ST8SIA5: variants seen among roughly 807,000 people sequenced by gnomAD.
ST8SIA5 encodes the protein alpha-2,8-sialyltransferase 8E.
A neutral mutation model predicts 40.2 loss-of-function variants in ST8SIA5; 24 were observed. The ratio of observed to expected loss-of-function variants is 0.60; its 90% CI spans 0.43 to 0.84. The LOEUF (loss-of-function observed/expected upper bound fraction) is 0.84. ST8SIA5 is among the 40% of genes least tolerant of loss of function. ST8SIA5 has a pLI of 0.00. For synonymous variants in ST8SIA5, 198 were observed against 201.8 expected, an observed-to-expected ratio of 0.98 and a Z score of 0.16; for missense variants, 465 against 498.5, an observed-to-expected ratio of 0.93 and a Z score of 0.64.
intron 1 of ST8SIA5, among the ~76,000 whole-genome samples, chr18:46,725,489 G>A (rs2039907941): frequency 6.6e-6 from 1 of 152,016 alleles, no homozygotes. Context: ...AGGGACTACT[G>A]AGCAGAAAAT....
intron 4 of ST8SIA5, among the ~76,000 whole-genome samples, chr18:46,686,951 A>C (rs2039454652): frequency 1.3e-5 from 2 of 152,196 alleles, no homozygotes; most frequent in Admixed American, 6.5e-5. Flanking sequence ...TCTGGGCTCC[A>C]TCCCAGCACC....
At chr18:46,730,253 A>G (rs1416599156) in intron 1 of ST8SIA5, 1 of 985,252 alleles carries the variant, frequency 1.0e-6, no homozygotes, top group Non-Finnish European at 1.2e-6. Context: ...GGGGGCTCGC[A>G]TTCCACCATT....
At chr18:46,725,971 AAATATATATAT>A (rs1487977499) in intron 1 of ST8SIA5, among the ~76,000 whole-genome samples, 1 of 42,722 alleles carries the variant, frequency 2.3e-5, no homozygotes, top group East Asian at 2.3e-3. Context: ...AAAAAAAAAA[AAATATATATAT>A]ATATATATAT....
In ST8SIA5 at chr18:46,680,359, G is replaced by T; in HGVS notation, c.814C>A (p.Gln272Lys). The change falls in exon 7 of 7, where the codon CAA (glutamine) becomes AAA (lysine). Residue 272 changes from glutamine to lysine, a missense_variant. Physicochemically the swap from Gln to Lys is moderately conservative, Grantham distance 53 (BLOSUM62 1). Coordinates refer to ENST00000315087, the MANE Select transcript of ST8SIA5 (RefSeq NM_013305.6). Reference sequence around the variant, plus strand: ...TGCGGATGGAAGTAGTAGACAGCTTGCGGCGATTCGAAGTCGTCCAGCACG... The same window carrying T: ...TGCGGATGGAAGTAGTAGACAGCTTTCGGCGATTCGAAGTCGTCCAGCACG... ...KYVLDDFESP[Q>K]AVYYFHPQYL... 6.2e-7 allele frequency: 1 copy of T among 1,614,194 alleles called. No individual in the cohort carries two copies. The highest frequency in any genetic ancestry group is 1.3e-5 in the African/African-American group (1 of 75,068).
At chr18:46,727,261 G>A (rs553313964) in intron 1 of ST8SIA5, among the ~76,000 whole-genome samples, 130 of 152,278 alleles carry the variant, frequency 8.5e-4, no homozygotes, top group African/African-American at 3.1e-3. Context: ...ATAAAATCTG[G>A]GATATGTTTA....
rs766295670 is a variant in ST8SIA5, at chr18:46,688,866, T to C, written c.365A>G (p.Lys122Arg). ...NAPAFLFTTQ[K>R]NTPLGTKLKY... ...GAGCTTTGTCCCCAGGGGAGTGTTC[T>C]TCTGGGTGGTGAAGAGAAAGGCAGG... is the stretch of plus-strand genomic sequence containing the variant. Residue 122 changes from lysine to arginine, a missense_variant, in exon 4 of 7, where the codon AAG becomes AGG. Coordinates refer to ENST00000315087, the MANE Select transcript of ST8SIA5 (RefSeq NM_013305.6). The C allele has an allele frequency of 1.2e-6, 2 of 1,614,010 alleles. No individual in the cohort carries two copies. Among genetic ancestry groups the C allele is most frequent in the African/African-American group, 2.7e-5 (2 of 74,926 alleles).
chr18:46,731,078 C>T (rs1016002701), intron 1 of ST8SIA5, among the ~76,000 whole-genome samples: 6 of 152,174 alleles, frequency 3.9e-5, no homozygotes, highest in Admixed American at 6.5e-5. Flanking sequence ...CTGTCAACTA[C>T]GTGAGCGCTA....
Position 46,736,775 on chromosome 18 carries a change from C to A in ST8SIA5, c.131+19603G>T, listed in dbSNP as rs535154385. 2.3e-4 allele frequency among the ~76,000 whole-genome samples: 35 copies of A among 152,068 alleles called. No homozygotes were observed. In the East Asian group the frequency reaches 4.6e-3, roughly 20 times the overall value. ...AGATGGAATACCAGGCTGGAGTGAG[C>A]GTGGATGCATTTTATTCTCCCAGGA... is the stretch of plus-strand genomic sequence containing the variant. On this transcript the variant is annotated intron_variant, in intron 1 of 6. Transcript: ENST00000315087.
At chr18:46,696,660 T>G (rs369045873) in intron 2 of ST8SIA5, among the ~76,000 whole-genome samples, 8 of 152,312 alleles carry the variant, frequency 5.3e-5, no homozygotes, top group African/African-American at 1.2e-4. Context: ...GTCAGAGAGC[T>G]CAAATGGAAT....
At position 46,750,765 on chromosome 18, in the gene ST8SIA5, C is replaced by T. The variant is rs1375357184; in HGVS notation, c.131+5613G>A. On this transcript the variant is annotated intron_variant, in intron 1 of 6. Transcript: ENST00000315087. ...GCTTCCAGAGCCAGCTCTCCTCTCT[C>T]GACCCCTTATAGGTGCAGACATCCT... Among the ~76,000 whole-genome samples the T allele has an allele frequency of 3.3e-5, 5 of 152,140 alleles. No homozygotes were observed. The East Asian group carries it at 5.8e-4, about 18-fold the overall frequency.
At chr18:46,698,148 C>T (rs2039574933) in intron 2 of ST8SIA5, among the ~76,000 whole-genome samples, 1 of 147,220 alleles carries the variant, frequency 6.8e-6, no homozygotes, top group Admixed American at 6.8e-5. Context: ...CAAACCAACC[C>T]AACAATCCAC....
chr18:46,739,277 C>T (rs2040065551), intron 1 of ST8SIA5, among the ~76,000 whole-genome samples: 1 of 152,210 alleles, frequency 6.6e-6, no homozygotes, highest in Non-Finnish European at 1.5e-5. Context: ...TGTGGTGGCT[C>T]ATGCCTGTAA....
At position 46,692,431 on chromosome 18, in the gene ST8SIA5, C is replaced by A. The variant is rs1249746013; in HGVS notation, c.225-176G>T. On this transcript the variant is annotated intron_variant, in intron 2 of 6. Transcript: ENST00000315087. Reference sequence around the variant, plus strand: ...TTTCTTTTTTTTTTTTAAGACAGGGCCTCACACCGATGTACAGGCTGGAGT... The same window carrying A: ...TTTCTTTTTTTTTTTTAAGACAGGGACTCACACCGATGTACAGGCTGGAGT... 4.0e-5 allele frequency among the ~76,000 whole-genome samples: 6 copies of A among 151,532 alleles called. No individual in the cohort carries two copies. The East Asian group carries it at 9.7e-4, about 25-fold the overall frequency.
chr18:46,670,773 G>A lies in ST8SIA5; in HGVS notation c.*9269C>T, dbSNP rs973634300. On this transcript the variant is annotated 3_prime_UTR_variant, in exon 7 of 7. Coordinates refer to ENST00000315087, the MANE Select transcript of ST8SIA5 (RefSeq NM_013305.6). ...AATGTAGTGTTTTTTTTTTTCCAAA[G>A]ACAAGCTGTCGTTGAACAAGTAAAC... 3.3e-5 allele frequency: 5 copies of A among 151,564 alleles called. No homozygotes were observed. The highest frequency in any genetic ancestry group is 1.2e-4 in the African/African-American group (5 of 41,328). 9.4% of individuals were successfully genotyped at this position (151,564 alleles called of 1,614,324 possible).
chr18:46,710,547 T>TC (rs1471676716), intron 1 of ST8SIA5, among the ~76,000 whole-genome samples: 33 of 131,950 alleles, frequency 2.5e-4, no homozygotes, highest in African/African-American at 9.4e-4. Flanking sequence ...TCTTTCTCTC[T>TC]TTTTTTTTTT....
intron 4 of ST8SIA5, among the ~76,000 whole-genome samples, chr18:46,686,816 CAA>C (rs752731256): frequency 4.1e-4 from 49 of 120,936 alleles, no homozygotes; most frequent in African/African-American, 4.3e-4. Context: ...CAGAGAAAGG[CAA>C]AAAAAAAAAA....
rs1483482592 is a variant in ST8SIA5, at chr18:46,674,044, A to G, written c.*5998T>C. On this transcript the variant is annotated 3_prime_UTR_variant, in exon 7 of 7. Transcript: ENST00000315087. ...CTTCCCCTTCGCATCTGGAGCAGAC[A>G]TCCTGCAAAGCTCAGCTCACCTGTT... is the stretch of plus-strand genomic sequence containing the variant. The G allele has an allele frequency of 1.3e-5, 2 of 152,164 alleles. No individual in the cohort carries two copies. The highest frequency in any genetic ancestry group is 4.8e-5 in the African/African-American group (2 of 41,420). 9.4% of individuals were successfully genotyped at this position (152,164 alleles called of 1,614,324 possible).
At chr18:46,694,496 C>G (rs1400689697) in intron 2 of ST8SIA5, among the ~76,000 whole-genome samples, 1 of 152,188 alleles carries the variant, frequency 6.6e-6, no homozygotes, top group Non-Finnish European at 1.5e-5. Context: ...TGATCATGCA[C>G]AGTCCCCACT....
intron 1 of ST8SIA5, chr18:46,730,335 A>C: frequency 1.2e-6 from 1 of 818,438 alleles, no homozygotes; most frequent in Non-Finnish European, 1.5e-6. Context: ...GGGGATGAAT[A>C]ATCCTCAACC....
Sources: gnomAD v4.1 joint callset for allele counts (sites outside exome capture counted in the v4.1 genomes callset) on GRCh38, gnomAD v4.1.1 for gene constraint, MANE v1.5 for transcripts, NCBI Gene and HGNC (gene_info 2026-07-23, HGNC 2026-07-21) for gene names.